FHIP2A: variants seen among roughly 807,000 people sequenced by gnomAD.
FHIP2A encodes FHF complex subunit HOOK interacting protein 2A, also known as family with sequence similarity 160 member B1.
A neutral mutation model predicts 93.5 loss-of-function variants in FHIP2A; 46 were observed. The observed-to-expected ratio is 0.49, with a 90% CI of 0.39 to 0.63. The LOEUF (loss-of-function observed/expected upper bound fraction) is 0.63, where lower values mean the gene tolerates loss of function less well. FHIP2A is among the 20% of genes least tolerant of loss of function. The pLI is 0.00. For missense variants in FHIP2A, 769 were observed against 909.7 expected (o/e 0.85, Z 1.99); for synonymous variants, 332 against 326.5 (o/e 1.02, Z -0.18).
chr10:114,875,853 A>AAGAAAAAG (rs750547644), intron 16 of FHIP2A, among the ~76,000 whole-genome samples: 1 of 143,706 alleles, frequency 7.0e-6, no homozygotes, highest in Non-Finnish European at 1.5e-5. Flanking sequence ...GAAAGAAAGA[A>AAGAAAAAG]AAAGAAAGAA....
intron 16 of FHIP2A, among the ~76,000 whole-genome samples, chr10:114,876,188 T>G (rs949673389): frequency 3.3e-5 from 5 of 152,180 alleles, no homozygotes; most frequent in African/African-American, 9.6e-5. Context: ...CTACCTTCTC[T>G]TCCTTCCTAC....
downstream of FHIP2A, among the ~76,000 whole-genome samples, chr10:114,868,368 T>C (rs1361551180): frequency 6.6e-6 from 1 of 152,044 alleles, no homozygotes; most frequent in Non-Finnish European, 1.5e-5. Context: ...GGTTGTACGC[T>C]CCTTATAAAA....
chr10:114,882,151 C>T (rs745373471), intron 16 of FHIP2A, among the ~76,000 whole-genome samples: 2 of 152,180 alleles, frequency 1.3e-5, no homozygotes, highest in African/African-American at 2.4e-5. Context: ...TGGGCTTTTT[C>T]GGGAGCAGCC....
At chr10:114,847,744 C>T (rs923290225) in intron 12 of FHIP2A, among the ~76,000 whole-genome samples, 50 of 144,460 alleles carry the variant, frequency 3.5e-4, no homozygotes, top group African/African-American at 1.1e-3. Flanking sequence ...AAGTTCCCTC[C>T]CCCACCTTTT....
chr10:114,859,180 T>C (rs1212419765), intron 14 of FHIP2A, among the ~76,000 whole-genome samples: 1 of 152,178 alleles, frequency 6.6e-6, no homozygotes, highest in Non-Finnish European at 1.5e-5. Context: ...AAAAAATCCA[T>C]GTTCATGAAT....
At chr10:114,845,921 A>T in intron 8 of FHIP2A, 92 bp from the exon 9 acceptor site, 4 of 984,114 alleles carry the variant, frequency 4.1e-6, no homozygotes, top group African/African-American at 1.7e-5. Flanking sequence ...TTCCACATTA[A>T]TTCAGTTGGG....
chr10:114,857,826 C>T (rs1453408227), intron 14 of FHIP2A, among the ~76,000 whole-genome samples: 2 of 152,056 alleles, frequency 1.3e-5, no homozygotes, highest in African/African-American at 2.4e-5. Context: ...TGAAAAAATT[C>T]ATAATACAAA....
intron 16 of FHIP2A, among the ~76,000 whole-genome samples, chr10:114,872,103 ATGT>A (rs1338202775): frequency 6.6e-6 from 1 of 152,232 alleles, no homozygotes; most frequent in Non-Finnish European, 1.5e-5. Context: ...AATTAGCAAG[ATGT>A]TGTCATTCAT....
At position 114,855,241 on chromosome 10, in the gene FHIP2A, G is replaced by C; in HGVS notation, c.1848G>C (p.Gly616=). The C allele has an allele frequency of 5.0e-6, 8 of 1,614,014 alleles. No individual in the cohort carries two copies. The highest frequency in any genetic ancestry group is 6.8e-6 in the Non-Finnish European group (8 of 1,179,954). Residue 616 remains glycine, a synonymous_variant, in exon 14 of 17, where the codon GGG becomes GGC. Transcript: ENST00000369248. The part of the protein sequence containing the change: ...CAICLRWEWP[G]SPKALEKCNL... ...TCTGCTTAAGATGGGAGTGGCCTGG[G>C]TCTCCAAAAGCATTGGAAAAGTGCA...
At chr10:114,882,584 A>G (rs907522763) in intron 16 of FHIP2A, among the ~76,000 whole-genome samples, 1 of 152,108 alleles carries the variant, frequency 6.6e-6, no homozygotes, top group African/African-American at 2.4e-5. Context: ...GCAATGTGGG[A>G]TATGATGAGG....
At chr10:114,847,334 G>T in intron 12 of FHIP2A, 101 bp downstream of exon 12, 4 of 1,081,140 alleles carry the variant, frequency 3.7e-6, no homozygotes, top group Non-Finnish European at 5.2e-6. Flanking sequence ...TGTTGCCCAC[G>T]CTGGAGTGCA....
chr10:114,862,376 GA>G lies in FHIP2A; in HGVS notation c.*840del, dbSNP rs1196735888. The G allele has an allele frequency of 1.1e-4, 109 of 987,240 alleles. No homozygotes were observed. Among genetic ancestry groups the G allele is most frequent in the Middle Eastern group, 2.8e-4 (1 of 3,568 alleles). 61.2% of individuals were successfully genotyped at this position (987,240 alleles called of 1,614,324 possible). On this transcript the variant is annotated 3_prime_UTR_variant, in exon 17 of 17. Transcript: ENST00000369248. ...ACCTTTTTCCCCCCTCTCCCTCTCA[GA>G]AAATTGCTTTATAAAATTGCTTTAT...
chr10:114,861,419 G>T lies in FHIP2A; in HGVS notation c.2193-16G>T, dbSNP rs561426096. On this transcript the variant is annotated splice_polypyrimidine_tract_variant and intron_variant, in intron 16 of 16. Coordinates refer to ENST00000369248, the MANE Select transcript of FHIP2A (RefSeq NM_020940.4). ...GCTATCTTGAATTGATTTATTGTCT[G>T]TTTTTTCCTTACCAGTATTGACCAC... 9 of 1,613,858 alleles carry T rather than the reference G, an allele frequency of 5.6e-6. No homozygotes were observed. The South Asian group carries it at 9.9e-5, about 18-fold the overall frequency.
chr10:114,897,796 C>G (rs1040307053), intron 16 of FHIP2A, among the ~76,000 whole-genome samples: 6 of 152,154 alleles, frequency 3.9e-5, no homozygotes, highest in African/African-American at 1.4e-4. Flanking sequence ...ATAGTCCCAG[C>G]TACTCAGGAG....
At chr10:114,895,661 G>A (rs1257015870) in intron 16 of FHIP2A, among the ~76,000 whole-genome samples, 1 of 152,096 alleles carries the variant, frequency 6.6e-6, no homozygotes, top group Non-Finnish European at 1.5e-5. Flanking sequence ...TTGAGGCTCC[G>A]GAATCCTTAA....
chr10:114,873,330 G>A (rs906078396), intron 16 of FHIP2A, among the ~76,000 whole-genome samples: 6 of 152,200 alleles, frequency 3.9e-5, no homozygotes, highest in Admixed American at 2.0e-4. Flanking sequence ...GAGGAATACA[G>A]AGATAAAGTG....
chr10:114,875,853 A>AAG (rs750547644), intron 16 of FHIP2A, among the ~76,000 whole-genome samples: 2 of 143,706 alleles, frequency 1.4e-5, no homozygotes, highest in Non-Finnish European at 3.0e-5. Flanking sequence ...GAAAGAAAGA[A>AAG]AAAGAAAGAA....
Position 114,862,220 on chromosome 10 carries a change from A to AT in FHIP2A, c.*684dup, listed in dbSNP as rs1197051901. ...TTTTGTGCACATAGCCATGTTAGTG[A>AT]TTTTCTTCATGTGTGGGTCCCAGTT... On this transcript the variant is annotated 3_prime_UTR_variant, in exon 17 of 17. Transcript: ENST00000369248. 1.4e-5 allele frequency: 14 copies of AT among 980,460 alleles called. No individual in the cohort carries two copies. Among genetic ancestry groups the AT allele is most frequent in the Non-Finnish European group, 1.6e-5 (13 of 825,374 alleles). The allele number at this position is 980,460 out of a possible 1,614,324, so 60.7% of individuals were successfully genotyped here.
chr10:114,847,968 T>A (rs1230776772), intron 12 of FHIP2A, among the ~76,000 whole-genome samples: 4 of 152,164 alleles, frequency 2.6e-5, no homozygotes, highest in Non-Finnish European at 5.9e-5. Flanking sequence ...ATCCCATTTT[T>A]AAAAAATATA....
Sources: gnomAD v4.1 joint callset for allele counts (sites outside exome capture counted in the v4.1 genomes callset) on GRCh38, gnomAD v4.1.1 for gene constraint, MANE v1.5 for transcripts, NCBI Gene and HGNC (gene_info 2026-07-23, HGNC 2026-07-21) for gene names.